The following MCM9 variants were observed in gnomAD, a reference collection of about 807,000 sequenced individuals.
The protein encoded by MCM9 is minichromosome maintenance 9 homologous recombination repair factor, also known as DNA helicase MCM9.
A neutral mutation model predicts 72.8 loss-of-function variants in MCM9; 55 were observed. The ratio of observed to expected loss-of-function variants is 0.76; its 90% CI spans 0.61 to 0.95. The LOEUF (loss-of-function observed/expected upper bound fraction) is 0.95, where lower values mean the gene tolerates loss of function less well. Among genes scored for constraint, MCM9 ranks in the 40% least tolerant of loss-of-function variants. The pLI, the probability that MCM9 is intolerant of heterozygous loss-of-function variation, is 0.00. For missense variants in MCM9, 1,279 were observed against 1,377.0 expected (o/e 0.93, Z 1.13); for synonymous variants, 480 against 503.4 (o/e 0.95, Z 0.62).
At chr6:118,867,639 A>G (rs189626474) in intron 8 of MCM9, among the ~76,000 whole-genome samples, 1,579 of 152,256 alleles carry the variant, frequency 0.01, 30 homozygotes, top group African/African-American at 0.036. Context: ...CATGCTGTAC[A>G]GGTTTGTAGC....
chr6:118,879,588 T>C (rs1237093625), intron 8 of MCM9, among the ~76,000 whole-genome samples: 1 of 152,224 alleles, frequency 6.6e-6, no homozygotes, highest in Non-Finnish European at 1.5e-5. Flanking sequence ...CTATGGCTGC[T>C]TTCATATTAT....
intron 8 of MCM9, among the ~76,000 whole-genome samples, chr6:118,879,371 AAAACAGAATTGAGG>A (rs536702407): frequency 0.066 from 10,049 of 152,304 alleles, 474 homozygotes; most frequent in East Asian, 0.19. Flanking sequence ...AACAATAACC[AAAACAGAATTGAGG>A]AAGCTATACT....
intron 8 of MCM9, among the ~76,000 whole-genome samples, chr6:118,861,699 G>T (rs1776916343): frequency 6.6e-6 from 1 of 152,264 alleles, no homozygotes; most frequent in South Asian, 2.1e-4. Context: ...GGGTTTTTGT[G>T]GGCTCAGAAG....
intron 13 of MCM9, among the ~76,000 whole-genome samples, chr6:118,823,664 C>T (rs1343832840): frequency 6.6e-6 from 1 of 152,132 alleles, no homozygotes; most frequent in Non-Finnish European, 1.5e-5. Flanking sequence ...TCCTGACAAC[C>T]TAGAAATGCC....
chr6:118,866,996 TGCA>T (rs1777256703), intron 8 of MCM9, among the ~76,000 whole-genome samples: 1 of 151,838 alleles, frequency 6.6e-6, no homozygotes, highest in Non-Finnish European at 1.5e-5. Flanking sequence ...AGAGCAACCT[TGCA>T]GGTCAGAAGA....
At chr6:118,833,947 T>C (rs1256031383) in intron 9 of MCM9, among the ~76,000 whole-genome samples, 1 of 152,194 alleles carries the variant, frequency 6.6e-6, no homozygotes, top group Non-Finnish European at 1.5e-5. Context: ...TACATAGGTA[T>C]ACATGTGAAA....
At chr6:118,908,252 C>T (rs1039210783) in intron 8 of MCM9, 2 of 151,990 alleles carry the variant, frequency 1.3e-5, no homozygotes, top group Non-Finnish European at 2.9e-5. Context: ...AATAAGGTCC[C>T]CTGGCTATGG....
chr6:118,877,185 T>C (rs926804588), intron 8 of MCM9, among the ~76,000 whole-genome samples: 2 of 152,136 alleles, frequency 1.3e-5, no homozygotes, highest in Non-Finnish European at 2.9e-5. Context: ...GCCAAGCATA[T>C]GAGTAGCTAT....
chr6:118,857,071 T>C (rs890830077), intron 8 of MCM9, among the ~76,000 whole-genome samples: 11 of 152,188 alleles, frequency 7.2e-5, no homozygotes, highest in African/African-American at 2.7e-4. Flanking sequence ...TGTTCTCCAG[T>C]ATTTTGTAGC....
chr6:118,874,167 A>T (rs956811843), intron 8 of MCM9, among the ~76,000 whole-genome samples: 4 of 152,152 alleles, frequency 2.6e-5, no homozygotes, highest in Non-Finnish European at 5.9e-5. Context: ...AGGTGGGAGG[A>T]TCACTTGAAC....
intron 9 of MCM9, among the ~76,000 whole-genome samples, chr6:118,833,606 G>T (rs1774744663): frequency 1.3e-5 from 2 of 152,252 alleles, no homozygotes; most frequent in East Asian, 3.9e-4. Context: ...GTCTTAAAAA[G>T]AAAGAAAATG....
intron 8 of MCM9, among the ~76,000 whole-genome samples, chr6:118,875,856 T>C (rs1366103340): frequency 6.6e-5 from 10 of 152,090 alleles, no homozygotes; most frequent in Non-Finnish European, 2.9e-5. Flanking sequence ...ATCGTTACCA[T>C]ACAACCCAGC....
intron 3 of MCM9, among the ~76,000 whole-genome samples, chr6:118,929,085 T>C (rs1179760786): frequency 6.6e-6 from 1 of 152,096 alleles, no homozygotes; most frequent in Non-Finnish European, 1.5e-5. Flanking sequence ...CTGGGCATGG[T>C]GGCACATGCC....
chr6:118,929,646 G>C (rs771953429), intron 3 of MCM9, among the ~76,000 whole-genome samples: 2 of 152,084 alleles, frequency 1.3e-5, no homozygotes, highest in Non-Finnish European at 2.9e-5. Context: ...ATTAACTAAA[G>C]TCCCCCTTAA....
chr6:118,848,774 A>T (rs1776041826), intron 9 of MCM9, among the ~76,000 whole-genome samples: 1 of 152,110 alleles, frequency 6.6e-6, no homozygotes, highest in African/African-American at 2.4e-5. Context: ...AACACAAAAA[A>T]GTAGCCAGGC....
intron 9 of MCM9, among the ~76,000 whole-genome samples, chr6:118,831,962 G>C (rs918384527): frequency 6.6e-6 from 1 of 152,196 alleles, no homozygotes; most frequent in African/African-American, 2.4e-5. Flanking sequence ...GAGGAGCAGA[G>C]CTGAGATTCA....
In MCM9 at chr6:118,814,571, C is replaced by T; in HGVS notation, c.*253G>A. ...AGCTTCAGGAACAGGAATACAAGTACTCCATTTGTAAAATTAAGCACAACA... is the reference window on the plus strand; with the variant it reads ...AGCTTCAGGAACAGGAATACAAGTATTCCATTTGTAAAATTAAGCACAACA... On this transcript the variant is annotated 3_prime_UTR_variant, in exon 14 of 14. Coordinates refer to ENST00000619706, the MANE Select transcript of MCM9 (RefSeq NM_017696.3). 3.0e-6 allele frequency: 1 copy of T among 331,086 alleles called. No homozygotes were observed. The highest frequency in any genetic ancestry group is 5.4e-6 in the Non-Finnish European group (1 of 183,836). 20.5% of individuals were successfully genotyped at this position (331,086 alleles called of 1,614,324 possible).
intron 8 of MCM9, among the ~76,000 whole-genome samples, chr6:118,881,711 G>C (rs1562421839): frequency 6.6e-6 from 1 of 152,166 alleles, no homozygotes; most frequent in Non-Finnish European, 1.5e-5. Flanking sequence ...ACTGAAGCAA[G>C]TATAACTGGT....
intron 12 of MCM9, among the ~76,000 whole-genome samples, chr6:118,826,535 A>G (rs547576469): frequency 3.3e-5 from 5 of 152,138 alleles, no homozygotes; most frequent in Admixed American, 6.5e-5. Context: ...AGGTGTGTTG[A>G]GGAAAAAAAC....
Sources: allele counts gnomAD v4.1 joint callset (sites outside exome capture counted in the v4.1 genomes callset), GRCh38; gene constraint gnomAD v4.1.1; transcripts MANE v1.5; gene names NCBI Gene and HGNC (gene_info 2026-07-23, HGNC 2026-07-21).